Variants in FAF1 observed in about 807,000 individuals in gnomAD.
The protein encoded by FAF1 is Fas associated factor 1.
FAF1 carries 25 observed loss-of-function variants against 92.5 expected under a neutral mutation model. The observed-to-expected ratio is 0.27, with a 90% confidence interval of 0.20 to 0.38. The LOEUF (loss-of-function observed/expected upper bound fraction) is 0.38, where lower values mean the gene tolerates loss of function less well. Among genes scored for constraint, FAF1 ranks in the 10% least tolerant of loss-of-function variants. The pLI is 1.00. For synonymous variants in FAF1, 234 were observed against 273.2 expected, an observed-to-expected ratio of 0.86 and a Z score of 1.42; for missense variants, 636 against 793.3, an observed-to-expected ratio of 0.80 and a Z score of 2.38.
chr1:50,746,188 C>T lies in FAF1; in HGVS notation c.368-1413G>A, dbSNP rs187426632. Among the ~76,000 whole-genome samples, 12 of 138,928 alleles carry T rather than the reference C, an allele frequency of 8.6e-5. No individual in the cohort carries two copies. The East Asian group carries it at 2.7e-3, about 31-fold the overall frequency. The allele number at this position is 138,928 out of a possible 152,430, so 91.1% of individuals were successfully genotyped here. A position where few individuals can be genotyped will look rare whatever the true frequency, so the allele number is the denominator to read the frequency against. On this transcript the variant is annotated intron_variant, in intron 4 of 18. Transcript: ENST00000396153. ...AGGAACAAAGCATTCAAGATGTTGC[C>T]TGGCTGCTTCTAGTACCCTACGCTC...
chr1:50,958,626 C>T (rs901471539), intron 1 of FAF1, among the ~76,000 whole-genome samples: 1 of 150,734 alleles, frequency 6.6e-6, no homozygotes, highest in Non-Finnish European at 1.5e-5. Flanking sequence ...TGCAATGAGC[C>T]GAGATCGCGC....
chr1:50,518,475 C>T (rs1017094558), intron 15 of FAF1, among the ~76,000 whole-genome samples: 23 of 150,912 alleles, frequency 1.5e-4, no homozygotes, highest in African/African-American at 5.6e-4. Context: ...GAGTCTCACT[C>T]TGTTGCCCAG....
intron 7 of FAF1, 115 bp downstream of exon 7, chr1:50,705,671 C>T (rs1569803683): frequency 1.8e-6 from 1 of 549,082 alleles, no homozygotes; most frequent in East Asian, 2.8e-5. Flanking sequence ...AATTTAAGAA[C>T]CCAATAATGA....
At chr1:50,447,121 C>CTTTTTTTTTTT (rs61612294) in intron 18 of FAF1, among the ~76,000 whole-genome samples, 15 of 112,846 alleles carry the variant, frequency 1.3e-4, no homozygotes, top group East Asian at 2.5e-4. Context: ...CATATTCCTG[C>CTTTTTTTTTTT]TTTTTTTTTT....
intron 1 of FAF1, among the ~76,000 whole-genome samples, chr1:50,929,047 G>C (rs1274769620): frequency 6.8e-6 from 1 of 146,686 alleles, no homozygotes; most frequent in Non-Finnish European, 1.5e-5. Flanking sequence ...ACCCCAGCCT[G>C]GGTGACATAG....
Position 50,886,806 on chromosome 1 carries a change from C to T in FAF1, c.46-28809G>A, listed in dbSNP as rs1278748. Among the ~76,000 whole-genome samples the T allele has an allele frequency of 2.3e-3, 351 of 152,262 alleles. 1 individual carries two copies. Among genetic ancestry groups the T allele is most frequent in the African/African-American group, 8.2e-3 (342 of 41,534 alleles). The stretch of plus-strand genomic sequence containing the variant: ...ATGGACATTTAGGTTGGTTCCAAGT[C>T]TTTGCTATTGTGAATAGTGCCGCAA... On this transcript the variant is annotated intron_variant, in intron 1 of 18. Transcript: ENST00000396153.
chr1:50,486,188 G>C (rs911917351), intron 17 of FAF1, among the ~76,000 whole-genome samples: 1 of 152,156 alleles, frequency 6.6e-6, no homozygotes, highest in African/African-American at 2.4e-5. Flanking sequence ...AAGGTGGCAC[G>C]AAGGCATAAA....
chr1:50,452,811 G>C (rs1477624427), intron 18 of FAF1, among the ~76,000 whole-genome samples: 2 of 152,194 alleles, frequency 1.3e-5, no homozygotes, highest in Non-Finnish European at 2.9e-5. Flanking sequence ...TTAAATCTTA[G>C]CACTGCATGT....
intron 1 of FAF1, among the ~76,000 whole-genome samples, chr1:50,897,949 G>A (rs1029867756): frequency 6.6e-6 from 1 of 152,116 alleles, no homozygotes; most frequent in Admixed American, 6.5e-5. Flanking sequence ...AAATGCACAT[G>A]GAACATATCT....
chr1:50,648,317 ATTG>A (rs1276178191), intron 8 of FAF1, among the ~76,000 whole-genome samples: 1 of 152,188 alleles, frequency 6.6e-6, no homozygotes, highest in Non-Finnish European at 1.5e-5. Flanking sequence ...GAAGGAGATA[ATTG>A]TTGTAGGTAT....
At chr1:50,848,198 C>T (rs766492785) in intron 2 of FAF1, among the ~76,000 whole-genome samples, 3 of 151,998 alleles carry the variant, frequency 2.0e-5, no homozygotes, top group Non-Finnish European at 2.9e-5. Context: ...TAACTTTCCC[C>T]CCACATTTAA....
At chr1:50,624,564 GA>G (rs1236594203) in intron 8 of FAF1, among the ~76,000 whole-genome samples, 4 of 151,876 alleles carry the variant, frequency 2.6e-5, no homozygotes, top group Non-Finnish European at 5.9e-5. Flanking sequence ...AAGCAGATAT[GA>G]AAAAAATGAG....
At chr1:50,781,317 A>G (rs1661169933) in intron 4 of FAF1, among the ~76,000 whole-genome samples, 1 of 152,124 alleles carries the variant, frequency 6.6e-6, no homozygotes, top group Admixed American at 6.5e-5. Context: ...AAAAAAAAAG[A>G]TACTCCATGG....
intron 7 of FAF1, among the ~76,000 whole-genome samples, chr1:50,687,906 CG>C (rs1656741785): frequency 2.0e-5 from 3 of 151,750 alleles, no homozygotes; most frequent in Admixed American, 2.0e-4. Flanking sequence ...GAGGCCAAGG[CG>C]GGCGGATCAC....
At chr1:50,591,727 C>T (rs1221138313) in intron 9 of FAF1, among the ~76,000 whole-genome samples, 1 of 150,386 alleles carries the variant, frequency 6.6e-6, no homozygotes, top group Non-Finnish European at 1.5e-5. Flanking sequence ...TCCAAATTCT[C>T]AATGTGTCAT....
intron 4 of FAF1, among the ~76,000 whole-genome samples, chr1:50,750,303 C>G (rs961689228): frequency 5.3e-5 from 8 of 152,146 alleles, no homozygotes; most frequent in Non-Finnish European, 1.0e-4. Context: ...TAAGTGCTTG[C>G]TTTGGCAGCA....
intron 7 of FAF1, among the ~76,000 whole-genome samples, chr1:50,676,864 A>T (rs1034638780): frequency 1.3e-5 from 2 of 152,164 alleles, no homozygotes; most frequent in African/African-American, 4.8e-5. Flanking sequence ...TGTAATTTTA[A>T]GACATTAACA....
At chr1:50,940,302 T>A (rs534061274) in intron 1 of FAF1, among the ~76,000 whole-genome samples, 10 of 152,362 alleles carry the variant, frequency 6.6e-5, no homozygotes, top group Admixed American at 5.9e-4. Flanking sequence ...CCAGTCAGCA[T>A]TGGCAGAGTA....
intron 15 of FAF1, among the ~76,000 whole-genome samples, chr1:50,492,944 T>A (rs1042988211): frequency 1.3e-5 from 2 of 152,140 alleles, no homozygotes; most frequent in Non-Finnish European, 2.9e-5. Context: ...GTTGCTGGCC[T>A]GAAGGTAATT....
Sources: gnomAD v4.1 joint callset for allele counts (sites outside exome capture counted in the v4.1 genomes callset) on GRCh38, gnomAD v4.1.1 for gene constraint, MANE v1.5 for transcripts, NCBI Gene and HGNC (gene_info 2026-07-23, HGNC 2026-07-21) for gene names.